Variants in SAMHD1 observed in about 807,000 individuals in gnomAD.
SAMHD1 encodes SAM and HD domain containing deoxynucleoside triphosphate triphosphohydrolase 1, also known as deoxynucleoside triphosphate triphosphohydrolase SAMHD1.
In SAMHD1, 54 loss-of-function variants were observed where a neutral mutation model predicts 79.6. The ratio of observed to expected loss-of-function variants is 0.68; its 90% confidence interval spans 0.55 to 0.85. The LOEUF is 0.85. SAMHD1 is among the 40% of genes least tolerant of loss of function. The pLI, the probability that SAMHD1 is intolerant of heterozygous loss-of-function variation, is 0.00. For missense variants in SAMHD1, 663 were observed against 782.7 expected (o/e 0.85, Z 1.82); for synonymous variants, 260 against 264.1 (o/e 0.98, Z 0.15).
At chr20:36,919,199 G>GA (rs1386260504) in intron 7 of SAMHD1, among the ~76,000 whole-genome samples, 165 bp downstream of exon 7, 2 of 151,958 alleles carry the variant, frequency 1.3e-5, no homozygotes, top group Non-Finnish European at 2.9e-5. Context: ...TTGAGAGGTA[G>GA]AAAAAAATAT....
intron 2 of SAMHD1, among the ~76,000 whole-genome samples, chr20:36,943,231 C>A (rs970388825): frequency 6.6e-6 from 1 of 152,118 alleles, no homozygotes; most frequent in Non-Finnish European, 1.5e-5. Context: ...GTGGGTAGGG[C>A]TAATCCCACT....
intron 6 of SAMHD1, among the ~76,000 whole-genome samples, chr20:36,923,699 C>T (rs2063520328): frequency 6.6e-6 from 1 of 152,102 alleles, no homozygotes; most frequent in African/African-American, 2.4e-5. Context: ...CCTGTGGCCC[C>T]AGCTACTTGG....
At chr20:36,935,350 G>A in intron 3 of SAMHD1, 161 bp from the exon 4 acceptor site, 1 of 661,222 alleles carries the variant, frequency 1.5e-6, no homozygotes, top group Non-Finnish European at 2.7e-6. Flanking sequence ...CCTTATTTAG[G>A]TATCACTACC....
intron 6 of SAMHD1, among the ~76,000 whole-genome samples, chr20:36,923,526 G>GA (rs1285533803): frequency 2.6e-5 from 4 of 152,214 alleles, no homozygotes; most frequent in Admixed American, 6.5e-5. Context: ...CTAGCAAACA[G>GA]AAAAAATTAA....
intron 13 of SAMHD1, among the ~76,000 whole-genome samples, chr20:36,898,861 G>A (rs1039985020): frequency 2.1e-5 from 3 of 143,880 alleles, no homozygotes; most frequent in Non-Finnish European, 4.5e-5. Flanking sequence ...GCAGTGAGCC[G>A]AGATCGCACC....
chr20:36,909,632 T>C (rs369623574), intron 11 of SAMHD1, among the ~76,000 whole-genome samples: 8 of 146,422 alleles, frequency 5.5e-5, no homozygotes, highest in African/African-American at 2.1e-4. Context: ...GATCGTGCCA[T>C]TGCATTACAG....
chr20:36,911,628 G>T (rs546998598), intron 10 of SAMHD1: 4 of 296,714 alleles, frequency 1.3e-5, no homozygotes, highest in African/African-American at 8.7e-5. Flanking sequence ...AGTAAATTTT[G>T]ATTTAACCAA....
chr20:36,923,514 T>C (rs1045432158), intron 6 of SAMHD1, among the ~76,000 whole-genome samples: 3 of 152,168 alleles, frequency 2.0e-5, no homozygotes, highest in African/African-American at 7.2e-5. Flanking sequence ...ACTGTGAATA[T>C]ACTAGCAAAC....
intron 11 of SAMHD1, among the ~76,000 whole-genome samples, chr20:36,910,998 T>A (rs2063435747): frequency 6.6e-6 from 1 of 152,142 alleles, no homozygotes; most frequent in Non-Finnish European, 1.5e-5. Context: ...GTCACACCTG[T>A]AATCCTAGCA....
chr20:36,906,241 C>T (rs1243980141), intron 11 of SAMHD1, among the ~76,000 whole-genome samples: 1 of 152,198 alleles, frequency 6.6e-6, no homozygotes, highest in African/African-American at 2.4e-5. Flanking sequence ...AGCTTGAGAC[C>T]AGCCTGGCCA....
At chr20:36,950,787 C>A (rs556126355) in intron 1 of SAMHD1, among the ~76,000 whole-genome samples, 2 of 152,236 alleles carry the variant, frequency 1.3e-5, no homozygotes, top group Admixed American at 1.3e-4. Context: ...GCCTATCGGG[C>A]GCTGCTGGGA....
chr20:36,921,452 A>T (rs1290413810), intron 6 of SAMHD1, among the ~76,000 whole-genome samples: 2 of 151,962 alleles, frequency 1.3e-5, no homozygotes, highest in African/African-American at 4.8e-5. Flanking sequence ...AAGAGGAAAA[A>T]TAGTAACTTT....
Position 36,892,789 on chromosome 20 carries a change from A to C in SAMHD1, c.*143T>G. On this transcript the variant is annotated 3_prime_UTR_variant, in exon 16 of 16. Transcript: ENST00000646673. Reference sequence around the variant, plus strand: ...TAATACCATCTTATTTCTTTGATTAAAAGTTACTTAGCTTCAGCATGCGTG... The same window carrying C: ...TAATACCATCTTATTTCTTTGATTACAAGTTACTTAGCTTCAGCATGCGTG... 9.5e-7 allele frequency: 1 copy of C among 1,053,028 alleles called. No homozygotes were observed. Among genetic ancestry groups the C allele is most frequent in the South Asian group, 1.3e-5 (1 of 78,036 alleles). The allele number at this position is 1,053,028 out of a possible 1,614,324, so 65.2% of individuals were successfully genotyped here.
intron 2 of SAMHD1, among the ~76,000 whole-genome samples, chr20:36,943,081 G>A (rs2063658923): frequency 6.6e-6 from 1 of 152,190 alleles, no homozygotes; most frequent in African/African-American, 2.4e-5. Flanking sequence ...GAGCTTGCAA[G>A]TAATTAATCT....
intron 3 of SAMHD1, among the ~76,000 whole-genome samples, chr20:36,937,856 G>GTTTTTTTTTTTTTTTTTT (rs761389071): frequency 1.7e-5 from 2 of 119,152 alleles, no homozygotes; most frequent in African/African-American, 3.7e-5. Context: ...AACAATGTTG[G>GTTTTTTTTTTTTTTTTTT]TTTGTTTTTT....
intron 14 of SAMHD1, 45 bp from the exon 15 acceptor site, chr20:36,898,004 T>C: frequency 6.2e-7 from 1 of 1,611,414 alleles, no homozygotes; most frequent in Non-Finnish European, 8.5e-7. Flanking sequence ...AAGTCACACA[T>C]TGGAGATATC....
At position 36,900,592 on chromosome 20, in the gene SAMHD1, T is replaced by C. The variant is rs1366067098; in HGVS notation, c.1504-2048A>G. Among the ~76,000 whole-genome samples, 4 of 143,932 alleles carry C rather than the reference T, an allele frequency of 2.8e-5. No homozygotes were observed. The Admixed American group carries it at 2.8e-4, about 10-fold the overall frequency. The allele number at this position is 143,932 out of a possible 152,430, so 94.4% of individuals were successfully genotyped here. ...ATAGTTTTTTTGTTTTTTTTTGATATGGAGTTTCTGTGTCGCCAGGCTGGA... is the reference window on the plus strand; with the variant it reads ...ATAGTTTTTTTGTTTTTTTTTGATACGGAGTTTCTGTGTCGCCAGGCTGGA... On this transcript the variant is annotated intron_variant, in intron 13 of 15. Transcript: ENST00000646673.
At chr20:36,951,371 T>A in intron 1 of SAMHD1, 65 bp downstream of exon 1, 2 of 1,602,598 alleles carry the variant, frequency 1.2e-6, no homozygotes, top group Non-Finnish European at 8.5e-7. Flanking sequence ...GCCCCCTCCC[T>A]CAGGGCGCCT....
chr20:36,938,949 AG>A (rs2063622011), intron 3 of SAMHD1, among the ~76,000 whole-genome samples: 1 of 151,708 alleles, frequency 6.6e-6, no homozygotes, highest in Non-Finnish European at 1.5e-5. Flanking sequence ...AAATAAGCCT[AG>A]AACGGGCTGG....
Sources: allele counts gnomAD v4.1 joint callset (sites outside exome capture counted in the v4.1 genomes callset), GRCh38; gene constraint gnomAD v4.1.1; transcripts MANE v1.5; gene names NCBI Gene and HGNC (gene_info 2026-07-23, HGNC 2026-07-21).